The following NCALD variants were observed in gnomAD, a reference collection of about 807,000 sequenced individuals.
NCALD encodes the protein neurocalcin-delta.
Under a neutral mutation model 18.6 loss-of-function variants are expected in NCALD, and 10 were observed. That is an observed-to-expected ratio of 0.54 (90% CI 0.33 to 0.91). The LOEUF is 0.91. Ranked by LOEUF, NCALD falls within the 40% of genes least tolerant of loss-of-function variation. The pLI is 0.03. For synonymous variants in NCALD, 88 were observed against 87.4 expected, an observed-to-expected ratio of 1.01 and a Z score of -0.04; for missense variants, 184 against 247.6, an observed-to-expected ratio of 0.74 and a Z score of 1.72.
At chr8:101,906,354 C>G (rs1190466025) in intron 3 of NCALD, among the ~76,000 whole-genome samples, 1 of 152,160 alleles carries the variant, frequency 6.6e-6, no homozygotes, top group Non-Finnish European at 1.5e-5. Context: ...CTTTAATAAC[C>G]TAAATCAGAA....
At chr8:102,057,263 C>A (rs938686666) in intron 1 of NCALD, among the ~76,000 whole-genome samples, 2 of 151,258 alleles carry the variant, frequency 1.3e-5, no homozygotes, top group African/African-American at 2.4e-5. Context: ...TTCATACACA[C>A]ACACACACAC....
chr8:101,797,811 T>C, intron 4 of NCALD, among the ~76,000 whole-genome samples: 1 of 148,660 alleles, frequency 6.7e-6, no homozygotes, highest in Admixed American at 6.7e-5. Context: ...TGAGACTCCA[T>C]CTCAAAAAAA....
At chr8:101,943,139 C>T (rs1333795943) in intron 2 of NCALD, among the ~76,000 whole-genome samples, 1 of 152,130 alleles carries the variant, frequency 6.6e-6, no homozygotes, top group Non-Finnish European at 1.5e-5. Context: ...AAATGGTTTG[C>T]AATGGCACAG....
chr8:102,096,838 G>A (rs1021534888), intron 1 of NCALD, among the ~76,000 whole-genome samples: 17 of 152,100 alleles, frequency 1.1e-4, no homozygotes, highest in South Asian at 2.1e-4. Flanking sequence ...TGCTTTTGTC[G>A]CTTCATTCTT....
intron 4 of NCALD, chr8:101,871,781 C>G: frequency 3.4e-6 from 1 of 290,072 alleles, no homozygotes; most frequent in African/African-American, 2.2e-5. Flanking sequence ...TTAAAGAAAT[C>G]CAGACAATTT....
intron 4 of NCALD, among the ~76,000 whole-genome samples, chr8:101,885,480 C>T (rs1039397154): frequency 2.0e-5 from 3 of 152,208 alleles, no homozygotes; most frequent in African/African-American, 7.2e-5. Context: ...CTGCCTTGCC[C>T]ACTACTCTCT....
intron 1 of NCALD, chr8:101,785,839 G>C (rs1274101338): frequency 6.6e-6 from 1 of 152,188 alleles, no homozygotes; most frequent in Non-Finnish European, 1.5e-5. Context: ...CTGGGAATAG[G>C]ACTGAGCATA....
chr8:102,080,518 A>G (rs1824492531), intron 1 of NCALD, among the ~76,000 whole-genome samples: 1 of 152,178 alleles, frequency 6.6e-6, no homozygotes, highest in African/African-American at 2.4e-5. Context: ...GGGGACCTCA[A>G]CCCTATGGGA....
chr8:101,920,754 T>C (rs932783349), intron 2 of NCALD, among the ~76,000 whole-genome samples: 1 of 151,176 alleles, frequency 6.6e-6, no homozygotes, highest in African/African-American at 2.4e-5. Flanking sequence ...GGGGGAAGAG[T>C]TGAAGGACTA....
chr8:101,999,384 T>C (rs958080534), intron 2 of NCALD, among the ~76,000 whole-genome samples: 4 of 152,178 alleles, frequency 2.6e-5, no homozygotes, highest in Admixed American at 6.5e-5. Context: ...CTGGATGGAA[T>C]TGGAGACCAT....
chr8:101,909,918 TGATTTAA>T (rs1586739538), intron 3 of NCALD, among the ~76,000 whole-genome samples: 2 of 152,266 alleles, frequency 1.3e-5, no homozygotes, highest in East Asian at 3.9e-4. Context: ...CTATGTGATG[TGATTTAA>T]GGGAGGCTGG....
At chr8:101,942,228 C>CAG (rs1483109547) in intron 2 of NCALD, among the ~76,000 whole-genome samples, 1 of 152,160 alleles carries the variant, frequency 6.6e-6, no homozygotes, top group Non-Finnish European at 1.5e-5. Context: ...TGAGGAGAGG[C>CAG]AGATGCACTG....
At chr8:101,873,129 A>T (rs553388555) in intron 4 of NCALD, among the ~76,000 whole-genome samples, 1 of 152,300 alleles carries the variant, frequency 6.6e-6, no homozygotes, top group Admixed American at 6.5e-5. Context: ...TCTGTTTTTT[A>T]AGCCAGCAAA....
intron 1 of NCALD, among the ~76,000 whole-genome samples, chr8:102,079,495 A>T (rs1462579248): frequency 2.1e-5 from 3 of 146,258 alleles, no homozygotes. Flanking sequence ...GTCATGGAAC[A>T]TGATCTCTAT....
At chr8:102,024,130 A>G (rs1004965048) in intron 1 of NCALD, among the ~76,000 whole-genome samples, 1 of 152,212 alleles carries the variant, frequency 6.6e-6, no homozygotes, top group Non-Finnish European at 1.5e-5. Flanking sequence ...CTGAATGGGA[A>G]AAAAACAGAA....
intron 1 of NCALD, among the ~76,000 whole-genome samples, chr8:101,751,240 G>A (rs1204303872): frequency 6.6e-6 from 1 of 152,190 alleles, no homozygotes; most frequent in African/African-American, 2.4e-5. Flanking sequence ...CGAGACATAG[G>A]AGGACAAATA....
At chr8:101,970,641 T>C (rs563317316) in intron 2 of NCALD, among the ~76,000 whole-genome samples, 1 of 152,330 alleles carries the variant, frequency 6.6e-6, no homozygotes, top group Admixed American at 6.5e-5. Context: ...TAGGAAAGCA[T>C]ATGACAGAAT....
chr8:101,811,341 C>T (rs572210463), intron 4 of NCALD, among the ~76,000 whole-genome samples: 11 of 152,234 alleles, frequency 7.2e-5, no homozygotes, highest in African/African-American at 2.2e-4. Flanking sequence ...AGGAAGGGGC[C>T]ATGAGCCAAA....
intron 2 of NCALD, among the ~76,000 whole-genome samples, chr8:101,940,455 C>T (rs1223434885): frequency 6.6e-6 from 1 of 152,162 alleles, no homozygotes; most frequent in Non-Finnish European, 1.5e-5. Context: ...CTCAACATGT[C>T]CCCATCAACT....
Sources: gnomAD v4.1 joint callset for allele counts (sites outside exome capture counted in the v4.1 genomes callset) on GRCh38, gnomAD v4.1.1 for gene constraint, MANE v1.5 for transcripts, NCBI Gene and HGNC (gene_info 2026-07-23, HGNC 2026-07-21) for gene names.